The following TYW1B variants were observed in gnomAD, a reference collection of about 807,000 sequenced individuals.
The protein encoded by TYW1B is S-adenosyl-L-methionine-dependent tRNA 4-demethylwyosine synthase TYW1B.
A neutral mutation model predicts 86.9 loss-of-function variants in TYW1B; 73 were observed. The observed-to-expected ratio is 0.84, with a 90% CI of 0.70 to 1.02. The LOEUF (loss-of-function observed/expected upper bound fraction) is 1.02. Among genes scored for constraint, TYW1B ranks in the 50% least tolerant of loss-of-function variants. The probability of loss-of-function intolerance (pLI) is 0.00; values close to 1 mark genes in which losing one functional copy is unlikely to be tolerated. For synonymous variants in TYW1B, 248 were observed against 292.8 expected (o/e 0.85, Z 1.56); for missense variants, 637 against 827.4 (o/e 0.77, Z 2.82).
intron 12 of TYW1B, among the ~76,000 whole-genome samples, chr7:72,627,501 ATAACATAAC>A: frequency 6.7e-6 from 1 of 149,084 alleles, no homozygotes; most frequent in South Asian, 2.1e-4. Context: ...ATAACATAAC[ATAACATAAC>A]ATAAATAAAA....
intron 13 of TYW1B, among the ~76,000 whole-genome samples, chr7:72,611,515 T>C (rs531474635): frequency 5.3e-5 from 8 of 152,236 alleles, no homozygotes; most frequent in African/African-American, 1.4e-4. Flanking sequence ...GGCCCTCTTT[T>C]CTCTCGTCTG....
intron 13 of TYW1B, among the ~76,000 whole-genome samples, chr7:72,600,293 G>C (rs1811630343): frequency 6.6e-6 from 1 of 152,150 alleles, no homozygotes; most frequent in African/African-American, 2.4e-5. Flanking sequence ...TCAACAAATG[G>C]TACTTTAACA....
At chr7:72,802,142 C>T (rs1188329639) in intron 6 of TYW1B, among the ~76,000 whole-genome samples, 2 of 151,842 alleles carry the variant, frequency 1.3e-5, no homozygotes, top group African/African-American at 4.8e-5. Flanking sequence ...AAAGATTGGA[C>T]ACCCCCGATC....
At position 72,694,923 on chromosome 7, in the gene TYW1B, C is replaced by T. The variant is rs1379442118; in HGVS notation, c.1371-101G>A. On this transcript the variant is annotated intron_variant, in intron 10 of 13. Transcript: ENST00000620995. ...ATAGACATGGGTATTAAACACTTCA[C>T]AGGGTCTAGAGACTTCCACTTCCCC... 3 of 1,360,838 alleles carry T rather than the reference C, an allele frequency of 2.2e-6. No individual in the cohort carries two copies. In the East Asian group the frequency reaches 7.5e-5, roughly 34 times the overall value. The allele number at this position is 1,360,838 out of a possible 1,614,324, so 84.3% of individuals were successfully genotyped here. A position where few individuals can be genotyped will look rare whatever the true frequency, so the allele number is the denominator to read the frequency against.
chr7:72,596,163 T>G (rs1585834702), intron 13 of TYW1B, among the ~76,000 whole-genome samples: 2 of 86,948 alleles, frequency 2.3e-5, no homozygotes, highest in Non-Finnish European at 4.2e-5. Context: ...GCAACAAGAG[T>G]GGAAAAACTC....
At chr7:72,682,157 C>A (rs1343727859) in intron 11 of TYW1B, among the ~76,000 whole-genome samples, 2 of 151,798 alleles carry the variant, frequency 1.3e-5, no homozygotes, top group Non-Finnish European at 1.5e-5. Flanking sequence ...GAATTAAAGG[C>A]ATGAGCCACC....
At chr7:72,733,236 T>C (rs1554460262) in intron 8 of TYW1B, among the ~76,000 whole-genome samples, 6 of 149,448 alleles carry the variant, frequency 4.0e-5, no homozygotes, top group African/African-American at 1.5e-4. Flanking sequence ...TTTCAAAAAA[T>C]TAAGGGGGAA....
chr7:72,635,387 G>T (rs1272373668), intron 11 of TYW1B, among the ~76,000 whole-genome samples: 1 of 152,070 alleles, frequency 6.6e-6, no homozygotes, highest in East Asian at 1.9e-4. Context: ...ATTCTGCACC[G>T]CAGGGGACAA....
At chr7:72,604,270 C>T (rs1384082129) in intron 13 of TYW1B, among the ~76,000 whole-genome samples, 1 of 152,110 alleles carries the variant, frequency 6.6e-6, no homozygotes, top group East Asian at 1.9e-4. Flanking sequence ...CAAGGCCAGA[C>T]TAGCCAACAT....
At chr7:72,687,650 A>G (rs1231212676) in intron 11 of TYW1B, among the ~76,000 whole-genome samples, 3 of 152,172 alleles carry the variant, frequency 2.0e-5, no homozygotes, top group Admixed American at 2.0e-4. Flanking sequence ...TCATTTATAT[A>G]AAGTTCAAAA....
intron 13 of TYW1B, among the ~76,000 whole-genome samples, chr7:72,602,833 AACACACACACACACACACACACACACAC>A (rs55709140): frequency 2.1e-4 from 27 of 128,114 alleles, no homozygotes; most frequent in African/African-American, 7.4e-4. Context: ...AAGTGCTCAA[AACACACACACACACACACACACACACAC>A]ACACACACAC....
At chr7:72,769,541 A>G (rs1554469139) in intron 7 of TYW1B, among the ~76,000 whole-genome samples, 1 of 152,228 alleles carries the variant, frequency 6.6e-6, no homozygotes, top group Non-Finnish European at 1.5e-5. Context: ...AACACTAACC[A>G]TAAAAGAAAA....
chr7:72,618,259 C>A (rs1554437303), intron 12 of TYW1B, among the ~76,000 whole-genome samples: 2 of 115,142 alleles, frequency 1.7e-5, no homozygotes, highest in Non-Finnish European at 3.7e-5. Context: ...TTTTGTTGCC[C>A]AGGCTGGAGT....
chr7:72,808,722 TCTCCA>T (rs1393247917), intron 4 of TYW1B, among the ~76,000 whole-genome samples: 1 of 151,860 alleles, frequency 6.6e-6, no homozygotes, highest in Non-Finnish European at 1.5e-5. Flanking sequence ...AGACAGGGTT[TCTCCA>T]TGTTGGTCAG....
intron 13 of TYW1B, among the ~76,000 whole-genome samples, chr7:72,602,842 A>G (rs1811698594): frequency 2.5e-5 from 1 of 40,810 alleles, no homozygotes; most frequent in African/African-American, 5.3e-5. Flanking sequence ...AAACACACAC[A>G]CACACACACA....
At chr7:72,620,134 T>C (rs1812178239) in intron 12 of TYW1B, among the ~76,000 whole-genome samples, 2 of 152,262 alleles carry the variant, frequency 1.3e-5, no homozygotes, top group South Asian at 2.1e-4. Context: ...CGGTGACTCA[T>C]GCCTGTAATC....
chr7:72,681,472 G>C (rs1156371267), intron 11 of TYW1B, among the ~76,000 whole-genome samples: 1 of 152,096 alleles, frequency 6.6e-6, no homozygotes, highest in Non-Finnish European at 1.5e-5. Context: ...ACTGTGGGAG[G>C]GGAGGGAAGG....
intron 11 of TYW1B, among the ~76,000 whole-genome samples, chr7:72,644,166 T>C (rs1432115185): frequency 6.6e-6 from 1 of 152,180 alleles, no homozygotes; most frequent in Non-Finnish European, 1.5e-5. Context: ...AAAAATGATA[T>C]GATAAAAACC....
chr7:72,644,873 G>T lies in TYW1B; in HGVS notation c.1507-15876C>A, dbSNP rs1259253997. Among the ~76,000 whole-genome samples the T allele has an allele frequency of 8.1e-5, 12 of 147,874 alleles. No homozygotes were observed. In the Admixed American group the frequency reaches 8.1e-4, roughly 10 times the overall value. ...GAGACAGAGTCTCTCTGTTACCCAGGCTGGAGTGCAGTGCCGCGATCTCGG... is the reference window on the plus strand; with the variant it reads ...GAGACAGAGTCTCTCTGTTACCCAGTCTGGAGTGCAGTGCCGCGATCTCGG... On this transcript the variant is annotated intron_variant, in intron 11 of 13. Coordinates refer to ENST00000620995, the MANE Select transcript of TYW1B (RefSeq NM_001145440.3).
Sources: gnomAD v4.1 joint callset for allele counts (sites outside exome capture counted in the v4.1 genomes callset) on GRCh38, gnomAD v4.1.1 for gene constraint, MANE v1.5 for transcripts, NCBI Gene and HGNC (gene_info 2026-07-23, HGNC 2026-07-21) for gene names.